MALRD1: variants seen among roughly 807,000 people sequenced by gnomAD.
The protein encoded by MALRD1 is MAM and LDL-receptor class A domain-containing protein 1.
MALRD1 carries 247 observed loss-of-function variants against 242.1 expected under a neutral mutation model. The ratio of observed to expected loss-of-function variants is 1.02; its 90% CI spans 0.92 to 1.13. MALRD1 has a LOEUF of 1.13. MALRD1 is among the 50% of genes most tolerant of loss of function. MALRD1 has a pLI of 0.00. For missense variants in MALRD1, 2,989 were observed against 2,533.1 expected (o/e 1.18, Z -3.86); for synonymous variants, 995 against 866.6 (o/e 1.15, Z -2.60).
At chr10:19,048,153 G>A (rs1834385934), upstream of MALRD1, among the ~76,000 whole-genome samples, 1 of 152,120 alleles carries the variant, frequency 6.6e-6, no homozygotes, top group Non-Finnish European at 1.5e-5. Flanking sequence ...TTGTGCTATA[G>A]AAGAGGGAAC....
chr10:19,231,776 A>T (rs960437636), intron 18 of MALRD1, among the ~76,000 whole-genome samples: 2 of 152,094 alleles, frequency 1.3e-5, no homozygotes, highest in Non-Finnish European at 2.9e-5. Flanking sequence ...TAGCAGCATG[A>T]GAACAAACTA....
chr10:19,396,190 T>A (rs1846572513), intron 28 of MALRD1, among the ~76,000 whole-genome samples: 1 of 146,342 alleles, frequency 6.8e-6, no homozygotes, highest in African/African-American at 2.5e-5. Flanking sequence ...CTGGCTGAGG[T>A]GCAGTGATGC....
chr10:19,137,980 G>T (rs540360659), intron 10 of MALRD1, among the ~76,000 whole-genome samples: 9 of 152,282 alleles, frequency 5.9e-5, no homozygotes, highest in African/African-American at 1.4e-4. Context: ...TTGAGCAGAG[G>T]TGAAAATATT....
At chr10:19,307,840 A>G (rs1842279349) in intron 21 of MALRD1, among the ~76,000 whole-genome samples, 2 of 151,712 alleles carry the variant, frequency 1.3e-5, no homozygotes, top group East Asian at 3.9e-4. Flanking sequence ...TTTAATTGAC[A>G]AATAATAATT....
intron 29 of MALRD1, among the ~76,000 whole-genome samples, chr10:19,462,917 C>A (rs890349646): frequency 1.3e-5 from 2 of 151,982 alleles, no homozygotes; most frequent in Non-Finnish European, 2.9e-5. Context: ...GGGAAAGAGG[C>A]AAAGGAAGGA....
At chr10:19,634,690 C>G (rs757603190) in intron 36 of MALRD1, among the ~76,000 whole-genome samples, 1 of 152,110 alleles carries the variant, frequency 6.6e-6, no homozygotes, top group Non-Finnish European at 1.5e-5. Context: ...ATCTGGAAAG[C>G]AAGCAGAGTG....
At chr10:19,055,599 G>A (rs995434446) in intron 1 of MALRD1, among the ~76,000 whole-genome samples, 7 of 152,086 alleles carry the variant, frequency 4.6e-5, no homozygotes, top group Admixed American at 4.6e-4. Flanking sequence ...TGATTTAAGG[G>A]TCCAGTTTCC....
intron 38 of MALRD1, among the ~76,000 whole-genome samples, chr10:19,725,187 A>C (rs1322087512): frequency 6.6e-6 from 1 of 152,174 alleles, no homozygotes; most frequent in Admixed American, 6.5e-5. Flanking sequence ...GTCCCCACCC[A>C]AATCTCATCT....
intron 28 of MALRD1, among the ~76,000 whole-genome samples, chr10:19,403,704 C>A (rs1445892831): frequency 6.6e-6 from 1 of 152,052 alleles, no homozygotes; most frequent in Non-Finnish European, 1.5e-5. Flanking sequence ...TATCTTGACT[C>A]TTTTTGACTT....
At chr10:19,357,560 TTATAAC>T (rs1372538831) in intron 26 of MALRD1, among the ~76,000 whole-genome samples, 4 of 152,182 alleles carry the variant, frequency 2.6e-5, no homozygotes, top group African/African-American at 9.6e-5. Context: ...TTATATTACT[TTATAAC>T]TATAAAATCT....
In MALRD1 at chr10:19,390,433, A is replaced by G. The variant is rs558463847; in HGVS notation, c.4845+824A>G. On this transcript the variant is annotated intron_variant, in intron 28 of 39. Coordinates refer to ENST00000454679, the MANE Select transcript of MALRD1 (RefSeq NM_001142308.3). ...CATTTTCTTAGTAAGGATTAATTGG[A>G]TGTTTCTGTCAGAGCTTTAATTTAG... Among the ~76,000 whole-genome samples the G allele has an allele frequency of 2.7e-4, 41 of 152,318 alleles. 1 individual carries two copies. In the South Asian group the frequency reaches 8.3e-3, roughly 31 times the overall value.
At chr10:19,485,991 G>T (rs1837221182) in intron 29 of MALRD1, among the ~76,000 whole-genome samples, 1 of 151,856 alleles carries the variant, frequency 6.6e-6, no homozygotes, top group Non-Finnish European at 1.5e-5. Context: ...AAATATAAAG[G>T]TAGAGAAAAT....
At chr10:19,055,497 C>T (rs1404403356) in intron 1 of MALRD1, among the ~76,000 whole-genome samples, 1 of 152,118 alleles carries the variant, frequency 6.6e-6, no homozygotes, top group Non-Finnish European at 1.5e-5. Context: ...TGGAGCTTTT[C>T]TCCATCTTTG....
At chr10:19,427,117 A>G (rs1264748243) in intron 28 of MALRD1, among the ~76,000 whole-genome samples, 1 of 152,090 alleles carries the variant, frequency 6.6e-6, no homozygotes, top group Non-Finnish European at 1.5e-5. Context: ...TAGTTCCTCC[A>G]TTTTTAATCC....
chr10:19,279,012 A>G (rs767314318), intron 19 of MALRD1, among the ~76,000 whole-genome samples: 9 of 152,286 alleles, frequency 5.9e-5, no homozygotes, highest in African/African-American at 1.9e-4. Context: ...AGAGTTGGAC[A>G]CTGCACTCAC....
rs928068292 is a variant in MALRD1 at position 19,060,827 on chromosome 10, C to A, written c.200-5892C>A. On this transcript the variant is annotated intron_variant, in intron 1 of 39. Transcript: ENST00000454679. ...CCTTGAAGATTCTAGAGTGTCAAAG[C>A]AGCCTTATATCATGTGCAGCAGCAC... Among the ~76,000 whole-genome samples, 3 of 152,282 alleles carry A rather than the reference C, an allele frequency of 2.0e-5. No homozygotes were observed. The East Asian group carries it at 5.8e-4, about 29-fold the overall frequency.
chr10:19,504,664 A>ATTTTTTTTTTT (rs759213931), intron 31 of MALRD1, among the ~76,000 whole-genome samples: 12 of 97,586 alleles, frequency 1.2e-4, no homozygotes, highest in African/African-American at 3.7e-4. Context: ...ATTGTAACAC[A>ATTTTTTTTTTT]TTTTTTTTTT....
intron 19 of MALRD1, among the ~76,000 whole-genome samples, chr10:19,269,798 G>C (rs951854610): frequency 4.6e-5 from 7 of 152,176 alleles, no homozygotes; most frequent in South Asian, 4.1e-4. Flanking sequence ...AGGAAGTAAT[G>C]AGAATAGGAC....
At chr10:19,480,820 C>G (rs1166747418) in intron 29 of MALRD1, among the ~76,000 whole-genome samples, 1 of 152,020 alleles carries the variant, frequency 6.6e-6, no homozygotes, top group Non-Finnish European at 1.5e-5. Context: ...TCTAGGCCTT[C>G]TAAACAGGCT....
Sources: allele counts gnomAD v4.1 joint callset (sites outside exome capture counted in the v4.1 genomes callset), GRCh38; gene constraint gnomAD v4.1.1; transcripts MANE v1.5; gene names NCBI Gene and HGNC (gene_info 2026-07-23, HGNC 2026-07-21).